PRKN: variants seen among roughly 807,000 people sequenced by gnomAD.
PRKN encodes the protein E3 ubiquitin-protein ligase parkin.
PRKN carries 56 observed loss-of-function variants against 59.5 expected under a neutral mutation model. That is an observed-to-expected ratio of 0.94 (90% CI 0.76 to 1.18). The LOEUF is 1.18. Among genes scored for constraint, PRKN ranks in the 50% most tolerant of loss-of-function variants. The pLI is 0.00. For missense variants in PRKN, 657 were observed against 596.4 expected (o/e 1.10, Z -1.06); for synonymous variants, 250 against 222.1 (o/e 1.13, Z -1.12).
At chr6:161,768,150 ACACGAAGGGGGCTC>A (rs1789510187) in intron 7 of PRKN, among the ~76,000 whole-genome samples, 2 of 152,166 alleles carry the variant, frequency 1.3e-5, no homozygotes, top group African/African-American at 2.4e-5. Flanking sequence ...AAATGACTAA[ACACGAAGGGGGCTC>A]CCAAGGGAAG....
At chr6:161,651,317 C>T (rs1212392651) in intron 7 of PRKN, among the ~76,000 whole-genome samples, 1 of 152,166 alleles carries the variant, frequency 6.6e-6, no homozygotes, top group Admixed American at 6.5e-5. Context: ...TTGGTCCCAG[C>T]AAACACCACG....
intron 1 of PRKN, among the ~76,000 whole-genome samples, chr6:162,468,047 T>G (rs1791517991): frequency 1.3e-5 from 2 of 152,328 alleles, no homozygotes; most frequent in South Asian, 2.1e-4. Flanking sequence ...TCACCTTGTT[T>G]ACTGCTACCG....
rs1781320148 is a variant in PRKN at position 161,581,057 on chromosome 6, C to T, written c.872-11641G>A. On this transcript the variant is annotated intron_variant, in intron 7 of 11. Transcript: ENST00000366898. This position sits in a 1 kb window ranked among gnomAD's most constrained non-coding sequence, Gnocchi z 4.5. ...TCTCTACTAAACACACACACACACA[C>T]ACACACACACACACACACAAAATAG... Among the ~76,000 whole-genome samples the T allele has an allele frequency of 6.6e-6, 1 of 151,402 alleles. No individual in the cohort carries two copies. The highest frequency in any genetic ancestry group is 1.5e-5 in the Non-Finnish European group (1 of 67,852).
chr6:162,647,816 CTT>C (rs1005273764), intron 1 of PRKN, among the ~76,000 whole-genome samples: 9 of 152,014 alleles, frequency 5.9e-5, no homozygotes, highest in African/African-American at 2.2e-4. Flanking sequence ...TTTCTTGTCT[CTT>C]TCCTCTGTCA....
intron 6 of PRKN, among the ~76,000 whole-genome samples, chr6:161,908,156 G>C (rs1403341923): frequency 1.3e-5 from 2 of 152,138 alleles, no homozygotes. Flanking sequence ...CTCAAAACTT[G>C]ACATTTGTGA....
chr6:161,950,673 G>T (rs6902304), intron 6 of PRKN, among the ~76,000 whole-genome samples: 11,161 of 152,220 alleles, frequency 0.073, 477 homozygotes, highest in Middle Eastern at 0.11. Flanking sequence ...ACTTGCTAAG[G>T]GTATGGCGTT....
intron 4 of PRKN, among the ~76,000 whole-genome samples, chr6:162,106,475 T>C (rs191696465): frequency 2.6e-5 from 4 of 151,348 alleles, no homozygotes; most frequent in African/African-American, 9.8e-5. Context: ...TTTTAAATGG[T>C]AATACAACCA....
At chr6:162,196,975 T>C (rs964955059) in intron 4 of PRKN, among the ~76,000 whole-genome samples, 1 of 152,194 alleles carries the variant, frequency 6.6e-6, no homozygotes, top group Admixed American at 6.5e-5. Flanking sequence ...AATACAATTA[T>C]ACTTTCAAAA....
intron 7 of PRKN, among the ~76,000 whole-genome samples, chr6:161,767,070 G>T (rs1426731448): frequency 2.0e-5 from 3 of 152,186 alleles, no homozygotes; most frequent in African/African-American, 7.2e-5. Context: ...ACCAGGTTAA[G>T]TTGGGGTAGA....
chr6:162,518,410 G>C (rs1251866031), intron 1 of PRKN, among the ~76,000 whole-genome samples: 2 of 152,170 alleles, frequency 1.3e-5, no homozygotes, highest in Non-Finnish European at 2.9e-5. Context: ...CTGCTGCCCA[G>C]GTTGGAGTGC....
chr6:162,064,157 C>T (rs189706119), intron 4 of PRKN, among the ~76,000 whole-genome samples: 3 of 152,142 alleles, frequency 2.0e-5, no homozygotes, highest in Admixed American at 2.0e-4. Context: ...AAGGAGCTGG[C>T]CATAGAAAAG....
intron 10 of PRKN, among the ~76,000 whole-genome samples, chr6:161,382,759 A>G (rs1475408859): frequency 1.1e-4 from 17 of 152,238 alleles, no homozygotes. Flanking sequence ...ACCAATTTAA[A>G]GCCAATTTTT....
At position 161,549,151 on chromosome 6, in the gene PRKN, G is replaced by C. The variant is rs1779908236; in HGVS notation, c.934-148C>G. 1 of 833,588 alleles carries C rather than the reference G, an allele frequency of 1.2e-6. No homozygotes were observed. The highest frequency in any genetic ancestry group is 1.7e-5 in the African/African-American group (1 of 59,640). The allele number at this position is 833,588 out of a possible 1,614,324, so 51.6% of individuals were successfully genotyped here. A position where few individuals can be genotyped will look rare whatever the true frequency, so the allele number is the denominator to read the frequency against. On this transcript the variant is annotated intron_variant, in intron 8 of 11. Transcript: ENST00000366898. The surrounding 1 kb of genome is among the most constrained non-coding windows in gnomAD (Gnocchi z 6.0). ...GTGTGTGTGTGTGTGTAGGGGGAGG[G>C]AGAGGGCCACGGGGTTGATAGGGGA...
intron 2 of PRKN, among the ~76,000 whole-genome samples, chr6:162,384,331 G>A (rs536375172): frequency 6.6e-6 from 1 of 152,210 alleles, no homozygotes; most frequent in Non-Finnish European, 1.5e-5. Context: ...TTATTAGCTG[G>A]CCTGATTTCA....
chr6:162,016,808 A>G (rs1437205560), intron 5 of PRKN, among the ~76,000 whole-genome samples: 1 of 152,132 alleles, frequency 6.6e-6, no homozygotes, highest in Non-Finnish European at 1.5e-5. Flanking sequence ...TCCTGGCGAT[A>G]AAGCAGCCCT....
chr6:161,725,050 T>C (rs1787383540), intron 7 of PRKN, among the ~76,000 whole-genome samples: 1 of 152,182 alleles, frequency 6.6e-6, no homozygotes, highest in Admixed American at 6.5e-5. Flanking sequence ...CCTCCTGCCA[T>C]GAGTCAAAGT....
At chr6:161,765,643 T>C (rs1038751990) in intron 7 of PRKN, among the ~76,000 whole-genome samples, 9 of 152,016 alleles carry the variant, frequency 5.9e-5, no homozygotes, top group African/African-American at 2.2e-4. Flanking sequence ...TCTAAAGTGG[T>C]ATATTAGGCA....
chr6:161,729,501 C>CA (rs1787586299), intron 7 of PRKN, among the ~76,000 whole-genome samples: 1 of 151,956 alleles, frequency 6.6e-6, no homozygotes, highest in Non-Finnish European at 1.5e-5. Context: ...ATAATCAATT[C>CA]AAAAAATGTC....
At chr6:162,313,490 T>A (rs1483497942) in intron 2 of PRKN, among the ~76,000 whole-genome samples, 1 of 152,142 alleles carries the variant, frequency 6.6e-6, no homozygotes, top group Non-Finnish European at 1.5e-5. Context: ...TGTATCAATT[T>A]TTTTTTATTT....
Sources: allele counts gnomAD v4.1 joint callset (sites outside exome capture counted in the v4.1 genomes callset), GRCh38; gene constraint gnomAD v4.1.1; non-coding constraint Gnocchi (gnomAD v3.1); transcripts MANE v1.5; gene names NCBI Gene and HGNC (gene_info 2026-07-23, HGNC 2026-07-21).